The following THSD7A variants were observed in gnomAD, a reference collection of about 807,000 sequenced individuals.
THSD7A encodes thrombospondin type 1 domain containing 7A.
A neutral mutation model predicts 231.3 loss-of-function variants in THSD7A; 96 were observed. That is an observed-to-expected ratio of 0.41 (90% confidence interval 0.35 to 0.49). THSD7A has a LOEUF of 0.49. THSD7A is among the 20% of genes least tolerant of loss of function. THSD7A has a pLI of 0.05. For missense variants in THSD7A, 2,290 were observed against 2,070.2 expected (o/e 1.11, Z -2.06); for synonymous variants, 940 against 743.3 (o/e 1.26, Z -4.30).
At position 11,460,719 on chromosome 7, in the gene THSD7A, C is replaced by G; in HGVS notation, c.2548G>C (p.Val850Leu). 6.2e-7 allele frequency: 1 copy of G among 1,612,636 alleles called. No individual in the cohort carries two copies. The highest frequency in any genetic ancestry group is 8.5e-7 in the Non-Finnish European group (1 of 1,179,392). Residue 850 changes from valine (V) to leucine (L), a missense_variant, in exon 11 of 28, where the codon GTG becomes CTG. Physicochemically the swap from Val to Leu is conservative, Grantham distance 32. Coordinates refer to ENST00000423059, the MANE Select transcript of THSD7A (RefSeq NM_015204.3). Reference protein sequence around the residue: ...WRRCQLVPWSVQQDSPGAQEG... With the variant: ...WRRCQLVPWSLQQDSPGAQEG... The stretch of plus-strand genomic sequence containing the variant: ...TGTGCTCCAGGGCTGTCTTGTTGCA[C>G]GCTCCAAGGGACTAATTGGCATCTG...
At chr7:11,382,418 G>T in intron 24 of THSD7A, 103 bp downstream of exon 24, 2 of 947,542 alleles carry the variant, frequency 2.1e-6, no homozygotes, top group Non-Finnish European at 3.3e-6. Context: ...AACAGGCTTT[G>T]AATACTGAAA....
chr7:11,715,389 G>GA (rs931211885), intron 1 of THSD7A, among the ~76,000 whole-genome samples: 2 of 151,142 alleles, frequency 1.3e-5, no homozygotes, highest in African/African-American at 2.4e-5. Flanking sequence ...AAATATGCAG[G>GA]AAAAAAATGA....
chr7:11,396,217 T>G (rs1783180838), intron 23 of THSD7A, among the ~76,000 whole-genome samples: 3 of 152,060 alleles, frequency 2.0e-5, no homozygotes, highest in African/African-American at 7.2e-5. Context: ...ATCAACACCT[T>G]AACATCACAA....
chr7:11,614,642 A>G (rs1219859654), intron 2 of THSD7A, among the ~76,000 whole-genome samples: 1 of 152,264 alleles, frequency 6.6e-6, no homozygotes, highest in East Asian at 1.9e-4. Context: ...ATTATGTTTT[A>G]TCACAACTAT....
chr7:11,468,527 A>G (rs1785800925), intron 9 of THSD7A, among the ~76,000 whole-genome samples: 2 of 152,172 alleles, frequency 1.3e-5, no homozygotes, highest in African/African-American at 4.8e-5. Context: ...AGCTATTTAA[A>G]TGTCTTAAAA....
rs777343243 is a variant in THSD7A, at chr7:11,593,423, C to G, written c.1102G>C (p.Glu368Gln). 1 of 1,614,044 alleles carries G rather than the reference C, an allele frequency of 6.2e-7. No individual in the cohort carries two copies. The highest frequency in any genetic ancestry group is 8.5e-7 in the Non-Finnish European group (1 of 1,179,896). ...TKECQVSEWS[E>Q]WSPCSKTCHD... is the part of the protein sequence containing the mutation. ...CATGTTTTTGAGCAGGGGCTCCACT[C>G]TGACCACTCGGAAACCTGGCACTCT... The change falls in exon 3 of 28, where the codon GAG becomes CAG. Residue 368 changes from glutamate to glutamine, a missense_variant. Transcript: ENST00000423059.
chr7:11,490,229 A>T (rs968626431), intron 6 of THSD7A, among the ~76,000 whole-genome samples: 8 of 152,226 alleles, frequency 5.3e-5, no homozygotes, highest in Admixed American at 5.2e-4. Context: ...TTCCGGAGAT[A>T]GAACCCATTT....
At position 11,541,548 on chromosome 7, in the gene THSD7A, C is replaced by G. The variant is rs777777735; in HGVS notation, c.1693G>C (p.Ala565Pro). Reference sequence around the variant, plus strand: ...CAGGCAGGCTCTTCACAGGGAATGGCTTCCAGTAAGTGAGGGCAGTTTCCG... The same window carrying G: ...CAGGCAGGCTCTTCACAGGGAATGGGTTCCAGTAAGTGAGGGCAGTTTCCG... ...VTGNCPHLLE[A>P]IPCEEPACYD... Residue 565 changes from alanine (A) to proline (P), a missense_variant, in exon 6 of 28, where the codon GCC becomes CCC. By Grantham distance (27) the Ala-to-Pro change is conservative. Coordinates refer to ENST00000423059, the MANE Select transcript of THSD7A (RefSeq NM_015204.3). The G allele has an allele frequency of 6.2e-7, 1 of 1,613,978 alleles. No individual in the cohort carries two copies. The highest frequency in any genetic ancestry group is 8.5e-7 in the Non-Finnish European group (1 of 1,179,892).
Position 11,658,673 on chromosome 7 carries a change from A to C in THSD7A, c.191-21712T>G, listed in dbSNP as rs4398797. 6.3e-4 allele frequency among the ~76,000 whole-genome samples: 95 copies of C among 151,684 alleles called. 1 individual carries two copies. Among genetic ancestry groups the C allele is most frequent in the Admixed American group, 2.2e-3 (33 of 15,164 alleles). On this transcript the variant is annotated intron_variant, in intron 1 of 27. Coordinates refer to ENST00000423059, the MANE Select transcript of THSD7A (RefSeq NM_015204.3). ...TATATTTCCAAAGGCTGAATATTTA[A>C]CTGTAGATAAGCAGAGTTTCAGGAT...
At position 11,580,718 on chromosome 7, in the gene THSD7A, A is replaced by T. The variant is rs937746213; in HGVS notation, c.1453+9742T>A. Reference sequence around the variant, plus strand: ...GGACACATAGAGGGGAACAACACGCACTGGGGTGTTTTGGAAGATGGAGGG... The same window carrying T: ...GGACACATAGAGGGGAACAACACGCTCTGGGGTGTTTTGGAAGATGGAGGG... On this transcript the variant is annotated intron_variant, in intron 4 of 27. Transcript: ENST00000423059. 3.9e-5 allele frequency among the ~76,000 whole-genome samples: 6 copies of T among 152,138 alleles called. 2 individuals are homozygous for T. The highest frequency in any genetic ancestry group is 6.5e-5 in the Admixed American group (1 of 15,272).
rs112141254 is a variant in THSD7A at position 11,773,109 on chromosome 7, T to C, written c.190+58648A>G. On this transcript the variant is annotated intron_variant, in intron 1 of 27. Transcript: ENST00000423059. ...TATAATAAAGGCCCCATCATATGTT[T>C]GCTTGCAAAGAAAGGATGAATATTT... 4.1e-3 allele frequency among the ~76,000 whole-genome samples: 625 copies of C among 152,288 alleles called. 5 individuals are homozygous for C. The highest frequency in any genetic ancestry group is 0.014 in the African/African-American group (565 of 41,558).
At position 11,636,281 on chromosome 7, in the gene THSD7A, C is replaced by T; in HGVS notation, c.871G>A (p.Val291Ile). ...AGCTCGCGGGCTTCTGGATCCTTTA[C>T]TCCTTTGCTGCGGTCCTTTTCCCGT... ...KEREKDRSKG[V>I]KDPEARELIK... Residue 291 changes from valine (V) to isoleucine (I), a missense_variant, in exon 2 of 28, where the codon GTA (valine) becomes ATA (isoleucine). Coordinates refer to ENST00000423059, the MANE Select transcript of THSD7A (RefSeq NM_015204.3). This position sits in a 1 kb window ranked among gnomAD's most constrained non-coding sequence, Gnocchi z 10.0. 1.2e-6 allele frequency: 2 copies of T among 1,614,022 alleles called. No homozygotes were observed. Among genetic ancestry groups the T allele is most frequent in the Non-Finnish European group, 1.7e-6 (2 of 1,179,906 alleles).
At chr7:11,601,796 T>G (rs1780563593) in intron 2 of THSD7A, among the ~76,000 whole-genome samples, 1 of 152,172 alleles carries the variant, frequency 6.6e-6, no homozygotes, top group Admixed American at 6.5e-5. Flanking sequence ...CTACTCACAT[T>G]ACCTTGTTTA....
chr7:11,417,721 G>C, intron 16 of THSD7A, 118 bp from the exon 17 acceptor site: 1 of 1,017,686 alleles, frequency 9.8e-7, no homozygotes, highest in South Asian at 2.0e-5. Flanking sequence ...ACATCGTTAT[G>C]GGGGTGGGGA....
At chr7:11,555,217 A>T (rs4571634) in intron 4 of THSD7A, among the ~76,000 whole-genome samples, 1 of 151,578 alleles carries the variant, frequency 6.6e-6, no homozygotes, top group Non-Finnish European at 1.5e-5. Flanking sequence ...CTCTTTTCCA[A>T]TGTAAGCATT....
intron 3 of THSD7A, among the ~76,000 whole-genome samples, chr7:11,592,563 T>A (rs1288350928): frequency 6.6e-6 from 1 of 152,220 alleles, no homozygotes; most frequent in African/African-American, 2.4e-5. Flanking sequence ...CTGAATTCAA[T>A]GAATATTTAT....
rs142030192 is a variant in THSD7A, at chr7:11,717,967, T to G, written c.191-81006A>C. Among the ~76,000 whole-genome samples the G allele has an allele frequency of 1.5e-3, 229 of 151,640 alleles. 1 individual carries two copies. Among genetic ancestry groups the G allele is most frequent in the African/African-American group, 5.3e-3 (218 of 41,468 alleles). On this transcript the variant is annotated intron_variant, in intron 1 of 27. Coordinates refer to ENST00000423059, the MANE Select transcript of THSD7A (RefSeq NM_015204.3). ...AGTCTACGATTTCCAAAATTCAAAATTTCATCCCCTGAAATTCAAGTGAAT... is the reference window on the plus strand; with the variant it reads ...AGTCTACGATTTCCAAAATTCAAAAGTTCATCCCCTGAAATTCAAGTGAAT...
chr7:11,826,936 CAA>C (rs1329778876), intron 1 of THSD7A, among the ~76,000 whole-genome samples: 1 of 151,870 alleles, frequency 6.6e-6, no homozygotes, highest in Non-Finnish European at 1.5e-5. Context: ...ATTATTCACA[CAA>C]AGATAAGTTA....
chr7:11,737,883 T>C (rs1781970900), intron 1 of THSD7A, among the ~76,000 whole-genome samples: 1 of 152,140 alleles, frequency 6.6e-6, no homozygotes, highest in African/African-American at 2.4e-5. Flanking sequence ...TCAGTGAGTA[T>C]CACTATTTAG....
Sources: allele counts gnomAD v4.1 joint callset (sites outside exome capture counted in the v4.1 genomes callset), GRCh38; gene constraint gnomAD v4.1.1; non-coding constraint Gnocchi (gnomAD v3.1); transcripts MANE v1.5; gene names NCBI Gene and HGNC (gene_info 2026-07-23, HGNC 2026-07-21).